NMNAT2: variants seen among roughly 807,000 people sequenced by gnomAD.
NMNAT2 encodes the protein nicotinamide/nicotinic acid mononucleotide adenylyltransferase 2.
Under a neutral mutation model 41.6 loss-of-function variants are expected in NMNAT2, and 11 were observed. That is an observed-to-expected ratio of 0.26 (90% CI 0.17 to 0.44). NMNAT2 has a LOEUF of 0.44. Ranked by LOEUF, NMNAT2 falls within the 20% of genes least tolerant of loss-of-function variation. The pLI, the probability that NMNAT2 is intolerant of heterozygous loss-of-function variation, is 1.00. For synonymous variants in NMNAT2, 148 were observed against 151.2 expected, an observed-to-expected ratio of 0.98 and a Z score of 0.16; for missense variants, 288 against 407.7, an observed-to-expected ratio of 0.71 and a Z score of 2.53.
At chr1:183,280,727 G>T (rs1252800217) in intron 7 of NMNAT2, among the ~76,000 whole-genome samples, 2 of 147,934 alleles carry the variant, frequency 1.4e-5, no homozygotes, top group Non-Finnish European at 3.0e-5. Flanking sequence ...TTTTTTTGGC[G>T]ACTTTTTTTC....
At chr1:183,256,745 T>C (rs1449522175) in intron 10 of NMNAT2, among the ~76,000 whole-genome samples, 2 of 152,178 alleles carry the variant, frequency 1.3e-5, no homozygotes, top group African/African-American at 2.4e-5. Flanking sequence ...TCAGAAATAT[T>C]GGCCTACAGT....
At chr1:183,298,942 T>C (rs1470794835) in intron 1 of NMNAT2, among the ~76,000 whole-genome samples, 1 of 152,230 alleles carries the variant, frequency 6.6e-6, no homozygotes, top group Non-Finnish European at 1.5e-5. Flanking sequence ...TATGGAAAGT[T>C]ATAGGAGCTA....
chr1:183,316,685 C>T (rs1358941438), intron 1 of NMNAT2, among the ~76,000 whole-genome samples: 1 of 152,198 alleles, frequency 6.6e-6, no homozygotes, highest in African/African-American at 2.4e-5. Context: ...TTGCTGCCTT[C>T]CTCAGCTCCT....
At chr1:183,369,062 C>T (rs150504587) in intron 1 of NMNAT2, among the ~76,000 whole-genome samples, 44 of 152,282 alleles carry the variant, frequency 2.9e-4, no homozygotes, top group Non-Finnish European at 5.7e-4. Flanking sequence ...TCTGAGCCAG[C>T]AGCAGGTGTG....
In NMNAT2 at chr1:183,252,314, C is replaced by T. The variant is rs927746097; in HGVS notation, c.*327G>A. On this transcript the variant is annotated 3_prime_UTR_variant, in exon 11 of 11. Transcript: ENST00000287713. ...GGGCACCAGAGCCGCCTCCCCAGAG[C>T]GTGCTGGGAGGATGGGCACCAGAGC... 1 of 286,366 alleles carries T rather than the reference C, an allele frequency of 3.5e-6. No homozygotes were observed. Among genetic ancestry groups the T allele is most frequent in the Non-Finnish European group, 6.6e-6 (1 of 150,416 alleles). 17.7% of individuals were successfully genotyped at this position (286,366 alleles called of 1,614,324 possible). A position where few individuals can be genotyped will look rare whatever the true frequency, so the allele number is the denominator to read the frequency against.
chr1:183,271,410 C>G (rs1480927286), intron 8 of NMNAT2, among the ~76,000 whole-genome samples: 1 of 152,158 alleles, frequency 6.6e-6, no homozygotes, highest in African/African-American at 2.4e-5. Context: ...GTCCTGCTCA[C>G]AATTCAAAGC....
At chr1:183,278,429 G>T in intron 8 of NMNAT2, 124 bp downstream of exon 8, 1 of 644,438 alleles carries the variant, frequency 1.6e-6, no homozygotes, top group Non-Finnish European at 2.9e-6. Context: ...TTCTACCATA[G>T]TGATGTGAAC....
intron 1 of NMNAT2, among the ~76,000 whole-genome samples, chr1:183,333,238 T>A (rs1300197142): frequency 6.6e-6 from 1 of 152,028 alleles, no homozygotes; most frequent in African/African-American, 2.4e-5. Context: ...TTCAGAGAGG[T>A]CCTTGGGCCA....
chr1:183,324,310 G>A (rs781187625), intron 1 of NMNAT2, among the ~76,000 whole-genome samples: 2 of 152,230 alleles, frequency 1.3e-5, no homozygotes, highest in Non-Finnish European at 2.9e-5. Context: ...AAAAGAGACC[G>A]TGAGAACTGA....
At chr1:183,317,058 C>T (rs1337854430) in intron 1 of NMNAT2, among the ~76,000 whole-genome samples, 3 of 152,216 alleles carry the variant, frequency 2.0e-5, no homozygotes, top group African/African-American at 4.8e-5. Flanking sequence ...CCCCCAATGT[C>T]TCTCCCCAGA....
chr1:183,320,550 G>A (rs1379503893), intron 1 of NMNAT2, among the ~76,000 whole-genome samples: 1 of 152,200 alleles, frequency 6.6e-6, no homozygotes, highest in Non-Finnish European at 1.5e-5. Flanking sequence ...AGGTTGTAGT[G>A]AGCCAAGATC....
chr1:183,389,760 GAAAGAA>G (rs1648387624), intron 1 of NMNAT2, among the ~76,000 whole-genome samples: 1 of 19,902 alleles, frequency 5.0e-5, no homozygotes, highest in Non-Finnish European at 1.0e-4. Flanking sequence ...AAGAAAGAAA[GAAAGAA>G]AGAAAGAAAG....
At chr1:183,386,394 A>G (rs556826668) in intron 1 of NMNAT2, among the ~76,000 whole-genome samples, 1 of 152,194 alleles carries the variant, frequency 6.6e-6, no homozygotes, top group Non-Finnish European at 1.5e-5. Context: ...CTTATTTTGA[A>G]TAGCAATGTA....
At chr1:183,284,147 G>A (rs1661340946) in intron 6 of NMNAT2, 108 bp from the exon 7 acceptor site, 1 of 921,532 alleles carries the variant, frequency 1.1e-6, no homozygotes, top group Non-Finnish European at 1.7e-6. Context: ...GGGTGGGGTG[G>A]GTGCAAGTAG....
intron 7 of NMNAT2, among the ~76,000 whole-genome samples, chr1:183,279,229 C>T (rs1269583149): frequency 6.6e-6 from 1 of 152,240 alleles, no homozygotes; most frequent in Admixed American, 6.5e-5. Flanking sequence ...GGCACCCAGG[C>T]GCACTTCCTG....
chr1:183,296,358 G>A (rs941469616), intron 1 of NMNAT2, among the ~76,000 whole-genome samples: 1 of 152,182 alleles, frequency 6.6e-6, no homozygotes, highest in African/African-American at 2.4e-5. Flanking sequence ...GTAAGATTAT[G>A]TTTAGCTTTT....
intron 8 of NMNAT2, among the ~76,000 whole-genome samples, chr1:183,261,722 G>A (rs868638301): frequency 6.6e-6 from 1 of 152,104 alleles, no homozygotes; most frequent in African/African-American, 2.4e-5. Flanking sequence ...TCAGATGGAC[G>A]TCATGAGAGG....
intron 10 of NMNAT2, among the ~76,000 whole-genome samples, chr1:183,260,744 AGGAGGCGG>A (rs1660635058): frequency 6.7e-6 from 1 of 149,168 alleles, no homozygotes; most frequent in Non-Finnish European, 1.5e-5. Flanking sequence ...GCTTGAACCC[AGGAGGCGG>A]GGGTTGCAGT....
chr1:183,347,024 C>T (rs758728580), intron 1 of NMNAT2, among the ~76,000 whole-genome samples: 8 of 152,168 alleles, frequency 5.3e-5, no homozygotes, highest in Non-Finnish European at 1.2e-4. Flanking sequence ...TGGGTGGGAA[C>T]TCACTTTTCC....
Sources: gnomAD v4.1 joint callset for allele counts (sites outside exome capture counted in the v4.1 genomes callset) on GRCh38, gnomAD v4.1.1 for gene constraint, MANE v1.5 for transcripts, NCBI Gene and HGNC (gene_info 2026-07-23, HGNC 2026-07-21) for gene names.